The following BCO2 variants were observed in gnomAD, a reference collection of about 807,000 sequenced individuals.
BCO2 encodes beta-carotene oxygenase 2.
BCO2 carries 56 observed loss-of-function variants against 65.8 expected under a neutral mutation model. That is an observed-to-expected ratio of 0.85 (90% CI 0.69 to 1.06). BCO2 has a LOEUF of 1.06. BCO2 is among the 50% of genes least tolerant of loss of function. The probability of loss-of-function intolerance (pLI) is 0.00; values close to 1 mark genes in which losing one functional copy is unlikely to be tolerated. For synonymous variants in BCO2, 233 were observed against 242.3 expected (o/e 0.96, Z 0.36); for missense variants, 675 against 698.5 (o/e 0.97, Z 0.38).
intron 11 of BCO2, among the ~76,000 whole-genome samples, chr11:112,217,216 G>A (rs1395992481): frequency 6.6e-6 from 1 of 152,206 alleles, no homozygotes; most frequent in Admixed American, 6.5e-5. Flanking sequence ...CTGTAGGTAT[G>A]AACTTCTTTA....
intron 8 of BCO2, among the ~76,000 whole-genome samples, chr11:112,203,298 T>C (rs538154270): frequency 6.6e-6 from 1 of 152,356 alleles, no homozygotes; most frequent in Admixed American, 6.5e-5. Context: ...ATAGTACTTA[T>C]TAAGTTTACT....
chr11:112,200,257 G>C (rs188708583), intron 6 of BCO2: 51 of 185,220 alleles, frequency 2.8e-4, no homozygotes, highest in Admixed American at 1.6e-3. Context: ...CTTACCCCCA[G>C]TATAAGCAGG....
intron 10 of BCO2, chr11:112,215,657 T>C: frequency 6.6e-6 from 1 of 151,482 alleles, no homozygotes; most frequent in Non-Finnish European, 1.5e-5. Flanking sequence ...TGCAGTGAGC[T>C]GAAATTGCGC....
intron 2 of BCO2, among the ~76,000 whole-genome samples, chr11:112,190,477 G>T (rs373038395): frequency 1.3e-5 from 2 of 152,002 alleles, no homozygotes; most frequent in East Asian, 3.8e-4. Flanking sequence ...TAAGTTCCAG[G>T]AAAAATAATC....
chr11:112,180,943 G>T, intron 2 of BCO2: 1 of 1,134,964 alleles, frequency 8.8e-7, no homozygotes, highest in Non-Finnish European at 1.3e-6. Context: ...CTTTGAACAG[G>T]GATGATGATG....
chr11:112,192,203 A>G (rs370181349), intron 2 of BCO2, among the ~76,000 whole-genome samples: 4 of 152,310 alleles, frequency 2.6e-5, no homozygotes, highest in South Asian at 2.1e-4. Flanking sequence ...TACGACTGGC[A>G]TATTTCATAT....
intron 8 of BCO2, among the ~76,000 whole-genome samples, chr11:112,207,887 G>C (rs1438965248): frequency 6.9e-6 from 1 of 145,364 alleles, no homozygotes; most frequent in Non-Finnish European, 1.5e-5. Context: ...TTATTCCTAG[G>C]TTTTTTTTTT....
At chr11:112,207,021 A>G (rs1859362797) in intron 8 of BCO2, among the ~76,000 whole-genome samples, 1 of 152,184 alleles carries the variant, frequency 6.6e-6, no homozygotes, top group South Asian at 2.1e-4. Flanking sequence ...TTTGTATATT[A>G]TCTTCATATC....
intron 2 of BCO2, among the ~76,000 whole-genome samples, chr11:112,189,816 C>T (rs1347864600): frequency 6.6e-6 from 1 of 152,098 alleles, no homozygotes; most frequent in Non-Finnish European, 1.5e-5. Flanking sequence ...TGAATTCTAC[C>T]AAACCTTCAA....
chr11:112,179,366 C>T lies in BCO2; in HGVS notation c.177C>T (p.Thr59=), dbSNP rs200795587. Residue 59 remains threonine, a synonymous_variant, in exon 2 of 12, where the codon ACC becomes ACT. Transcript: ENST00000357685. ...TGCCATGTGTTGCACCGCTGCTGAC[C>T]ACAGTGGAAGAGGCTCCACGGGGCA... The part of the protein sequence containing the change: ...RGLPCVAPLL[T]TVEEAPRGIS... The T allele has an allele frequency of 6.2e-7, 1 of 1,614,136 alleles. No individual in the cohort carries two copies.
chr11:112,214,484 C>T (rs1859600038), intron 9 of BCO2, among the ~76,000 whole-genome samples: 1 of 152,240 alleles, frequency 6.6e-6, no homozygotes, highest in African/African-American at 2.4e-5. Flanking sequence ...GTGCTTAGCA[C>T]AGACCTATCA....
chr11:112,176,517 C>CGGA (rs772731770), intron 1 of BCO2: 1 of 46,738 alleles, frequency 2.1e-5, no homozygotes, highest in South Asian at 1.4e-3. Flanking sequence ...AATTGATTGG[C>CGGA]GGGGGGGGGG....
At chr11:112,187,048 A>C (rs767389022) in intron 2 of BCO2, among the ~76,000 whole-genome samples, 40 of 152,106 alleles carry the variant, frequency 2.6e-4, no homozygotes, top group South Asian at 6.2e-4. Flanking sequence ...GGAACTTACT[A>C]TACAGAATTT....
In BCO2 at chr11:112,213,778, G is replaced by A. The variant is rs780925251; in HGVS notation, c.1249G>A (p.Val417Ile). Residue 417 changes from valine (V) to isoleucine (I), a missense_variant, in exon 9 of 12, where the codon GTC becomes ATC. Transcript: ENST00000357685. The stretch of plus-strand genomic sequence containing the variant: ...TCGAAGGTTTGTTTTGCCTTTAAAT[G>A]TCAGTTTGAATGCCCCTGAGGGAGA... ...FPRRFVLPLN[V>I]SLNAPEGDNL... 1 of 1,613,398 alleles carries A rather than the reference G, an allele frequency of 6.2e-7. No homozygotes were observed. The highest frequency in any genetic ancestry group is 1.3e-5 in the African/African-American group (1 of 74,892).
Position 112,197,547 on chromosome 11 carries a change from CAA to C in BCO2, c.737-2138_737-2137del, listed in dbSNP as rs67238692. ...TGAGTGACAGAGTAAGACCCTGTCTCAAAAAAAAAAAAAAAGAAGTAATTTCA... is the reference window on the plus strand; with the variant it reads ...TGAGTGACAGAGTAAGACCCTGTCTCAAAAAAAAAAAAAGAAGTAATTTCA... On this transcript the variant is annotated intron_variant, in intron 5 of 11. Transcript: ENST00000357685. Among the ~76,000 whole-genome samples the C allele has an allele frequency of 8.2e-3, 1,165 of 141,700 alleles. 19 individuals are homozygous for C. Among genetic ancestry groups the C allele is most frequent in the African/African-American group, 0.024 (943 of 38,996 alleles). The allele number at this position is 141,700 out of a possible 152,430, so 93.0% of individuals were successfully genotyped here.
chr11:112,208,211 C>T (rs1421084642), intron 8 of BCO2, among the ~76,000 whole-genome samples: 1 of 152,152 alleles, frequency 6.6e-6, no homozygotes, highest in African/African-American at 2.4e-5. Context: ...ATCCACCCAC[C>T]TTGGCCTCCC....
At chr11:112,185,861 C>T (rs1867185369) in intron 2 of BCO2, among the ~76,000 whole-genome samples, 1 of 152,166 alleles carries the variant, frequency 6.6e-6, no homozygotes, top group African/African-American at 2.4e-5. Flanking sequence ...TACCATCCAT[C>T]CACAGAATTC....
At chr11:112,207,910 ATGT>A (rs1242844956) in intron 8 of BCO2, among the ~76,000 whole-genome samples, 3 of 149,708 alleles carry the variant, frequency 2.0e-5, no homozygotes, top group Non-Finnish European at 4.5e-5. Flanking sequence ...ATTATTTTAA[ATGT>A]TGTTTATTTT....
At chr11:112,190,164 T>C (rs1353890882) in intron 2 of BCO2, among the ~76,000 whole-genome samples, 1 of 152,108 alleles carries the variant, frequency 6.6e-6, no homozygotes. Context: ...CGTGTCCCTG[T>C]AGTCCCAGCT....
Sources: gnomAD v4.1 joint callset for allele counts (sites outside exome capture counted in the v4.1 genomes callset) on GRCh38, gnomAD v4.1.1 for gene constraint, MANE v1.5 for transcripts, NCBI Gene and HGNC (gene_info 2026-07-23, HGNC 2026-07-21) for gene names.